Variants in MYO10 observed in about 807,000 individuals in gnomAD.
MYO10 encodes the protein unconventional myosin-X.
A neutral mutation model predicts 257.3 loss-of-function variants in MYO10; 133 were observed. The observed-to-expected ratio is 0.52, with a 90% CI of 0.45 to 0.60. The LOEUF (loss-of-function observed/expected upper bound fraction) is 0.60, where lower values mean the gene tolerates loss of function less well. MYO10 is among the 20% of genes least tolerant of loss of function. The pLI is 0.00. For synonymous variants in MYO10, 1,104 were observed against 1,028.6 expected (o/e 1.07, Z -1.40); for missense variants, 2,399 against 2,635.7 (o/e 0.91, Z 1.97).
At position 16,871,330 on chromosome 5, in the gene MYO10, C is replaced by T. The variant is rs557318619; in HGVS notation, c.120+6279G>A. Among the ~76,000 whole-genome samples the T allele has an allele frequency of 3.9e-5, 6 of 152,202 alleles. No individual in the cohort carries two copies. The East Asian group carries it at 9.7e-4, about 25-fold the overall frequency. ...ACTCTGACTCCTTCAAGAATCTATG[C>T]CTGGCCCAGCACAGTGGCTCATGCC... On this transcript the variant is annotated intron_variant, in intron 2 of 40. Transcript: ENST00000513610.
chr5:16,696,680 AC>A (rs1474122002), intron 26 of MYO10, among the ~76,000 whole-genome samples: 1 of 133,600 alleles, frequency 7.5e-6, no homozygotes, highest in Non-Finnish European at 1.6e-5. Flanking sequence ...ACATGGTGAA[AC>A]CCCGTCTCTA....
intron 1 of MYO10, among the ~76,000 whole-genome samples, chr5:16,927,515 G>T (rs910643525): frequency 7.2e-5 from 11 of 152,008 alleles, no homozygotes; most frequent in African/African-American, 2.7e-4. Context: ...TAGTAGAGAC[G>T]GGGTTTCACC....
chr5:16,815,120 G>A (rs2126701459), intron 3 of MYO10: 1 of 222,970 alleles, frequency 4.5e-6, no homozygotes, highest in East Asian at 1.0e-4. Flanking sequence ...CTTTAGCTCA[G>A]GAGTTTGAGT....
intron 9 of MYO10, among the ~76,000 whole-genome samples, chr5:16,771,532 AACTT>A (rs1253905324): frequency 2.1e-5 from 3 of 146,276 alleles, no homozygotes; most frequent in Non-Finnish European, 4.5e-5. Flanking sequence ...CAAATCTAGG[AACTT>A]ACTATTATGA....
intron 30 of MYO10, among the ~76,000 whole-genome samples, 196 bp downstream of exon 30, chr5:16,683,684 A>G (rs921677341): frequency 6.6e-6 from 1 of 152,224 alleles, no homozygotes; most frequent in Non-Finnish European, 1.5e-5. Context: ...AAAGATACCC[A>G]GAGAAGGAGA....
intron 19 of MYO10, among the ~76,000 whole-genome samples, chr5:16,740,375 A>G (rs1219958420): frequency 4.0e-5 from 6 of 151,790 alleles, no homozygotes; most frequent in African/African-American, 1.5e-4. Flanking sequence ...CTCAGTCTGC[A>G]TGAGCTAGAC....
intron 2 of MYO10, among the ~76,000 whole-genome samples, chr5:16,874,163 T>A (rs1304212863): frequency 2.0e-5 from 3 of 151,682 alleles, no homozygotes; most frequent in Admixed American, 6.6e-5. Flanking sequence ...TGAAACCCCA[T>A]CTCTACTAAA....
At chr5:16,673,573 A>G in intron 36 of MYO10, 109 bp downstream of exon 36, 3 of 1,202,806 alleles carry the variant, frequency 2.5e-6, no homozygotes, top group Non-Finnish European at 3.5e-6. Context: ...TGTACTAAGC[A>G]AACTGCAACT....
chr5:16,811,280 G>A (rs538299917), intron 3 of MYO10, among the ~76,000 whole-genome samples: 4 of 152,210 alleles, frequency 2.6e-5, no homozygotes, highest in Admixed American at 1.3e-4. Context: ...TGCCAGTAGC[G>A]TCGCTTGACC....
chr5:16,755,389 T>C (rs896075894), intron 18 of MYO10, among the ~76,000 whole-genome samples: 2 of 152,198 alleles, frequency 1.3e-5, no homozygotes, highest in African/African-American at 2.4e-5. Flanking sequence ...ATGGTCTCGA[T>C]CTCCTGACTT....
At position 16,668,487 on chromosome 5, in the gene MYO10, C is replaced by A; in HGVS notation, c.5884-19G>T. Reference sequence around the variant, plus strand: ...CCTTGCACTGGTGGGCAAGAGTCAACAGAAGAGTTAAGTCATGAAGTGGTT... The same window carrying A: ...CCTTGCACTGGTGGGCAAGAGTCAAAAGAAGAGTTAAGTCATGAAGTGGTT... On this transcript the variant is annotated intron_variant, in intron 39 of 40. Coordinates refer to ENST00000513610, the MANE Select transcript of MYO10 (RefSeq NM_012334.3). The A allele has an allele frequency of 1.9e-6, 3 of 1,580,850 alleles. No individual in the cohort carries two copies. In the South Asian group the frequency reaches 3.5e-5, roughly 19 times the overall value.
intron 27 of MYO10, 30 bp from the exon 28 acceptor site, chr5:16,689,949 A>G (rs764710990): frequency 3.2e-5 from 48 of 1,483,792 alleles, no homozygotes; most frequent in Non-Finnish European, 3.5e-5. Context: ...ACAAACGCAC[A>G]TCAGGAACAC....
At chr5:16,683,761 A>G in intron 30 of MYO10, 119 bp downstream of exon 30, 1 of 943,226 alleles carries the variant, frequency 1.1e-6, no homozygotes, top group Non-Finnish European at 1.6e-6. Flanking sequence ...CAAGGTGGGA[A>G]CACACAGCCT....
At chr5:16,752,719 A>T (rs2126641590) in intron 19 of MYO10, among the ~76,000 whole-genome samples, 1 of 152,324 alleles carries the variant, frequency 6.6e-6, no homozygotes, top group African/African-American at 2.4e-5. Context: ...TACATCAAGC[A>T]CCAAAGCCCA....
chr5:16,887,869 A>T (rs1246806601), intron 1 of MYO10, among the ~76,000 whole-genome samples: 2 of 152,196 alleles, frequency 1.3e-5, no homozygotes, highest in Non-Finnish European at 2.9e-5. Context: ...AATCTTTTAA[A>T]CTACAGTGAC....
intron 4 of MYO10, among the ~76,000 whole-genome samples, chr5:16,792,251 A>G (rs541447086): frequency 2.6e-5 from 4 of 151,852 alleles, no homozygotes; most frequent in Admixed American, 2.0e-4. Context: ...AAAAGGAACT[A>G]CAAAAAAGAT....
chr5:16,715,045 C>T (rs1373748839), intron 19 of MYO10, among the ~76,000 whole-genome samples: 1 of 150,844 alleles, frequency 6.6e-6, no homozygotes, highest in Admixed American at 6.6e-5. Flanking sequence ...GATTATTACA[C>T]GTCATATGCC....
intron 3 of MYO10, 126 bp downstream of exon 3, chr5:16,817,883 C>T: frequency 1.1e-6 from 1 of 913,994 alleles, no homozygotes; most frequent in Non-Finnish European, 1.5e-6. Flanking sequence ...TGGCAAATCC[C>T]TTGAAAACAT....
chr5:16,774,531 C>T (rs1741157657), intron 9 of MYO10, among the ~76,000 whole-genome samples: 2 of 152,046 alleles, frequency 1.3e-5, no homozygotes, highest in African/African-American at 4.8e-5. Flanking sequence ...ACGCCATTCT[C>T]CTGCCTCAGG....
Sources: allele counts gnomAD v4.1 joint callset (sites outside exome capture counted in the v4.1 genomes callset), GRCh38; gene constraint gnomAD v4.1.1; transcripts MANE v1.5; gene names NCBI Gene and HGNC (gene_info 2026-07-23, HGNC 2026-07-21).